NSMCE1: variants seen among roughly 807,000 people sequenced by gnomAD.
NSMCE1 encodes the protein non-structural maintenance of chromosomes element 1 homolog.
In NSMCE1, 18 loss-of-function variants were observed where a neutral mutation model predicts 29.6. The ratio of observed to expected loss-of-function variants is 0.61; its 90% CI spans 0.42 to 0.90. The LOEUF (loss-of-function observed/expected upper bound fraction) is 0.90, where lower values mean the gene tolerates loss of function less well. NSMCE1 is among the 40% of genes least tolerant of loss of function. The pLI is 0.00. For missense variants in NSMCE1, 314 were observed against 343.6 expected, an observed-to-expected ratio of 0.91 and a Z score of 0.68; for synonymous variants, 124 against 133.4, an observed-to-expected ratio of 0.93 and a Z score of 0.49.
intron 7 of NSMCE1, 110 bp from the exon 8 acceptor site, chr16:27,225,346 T>G: frequency 1.4e-6 from 1 of 708,218 alleles, no homozygotes; most frequent in South Asian, 1.6e-5. Context: ...GTCCTAGGTC[T>G]ACACCATCCT....
At chr16:27,254,893 T>TTTTTTTTTTTG (rs2084070037) in intron 2 of NSMCE1, among the ~76,000 whole-genome samples, 1 of 108,050 alleles carries the variant, frequency 9.3e-6, no homozygotes, top group Non-Finnish European at 1.9e-5. Context: ...TTTTTTTTTT[T>TTTTTTTTTTTG]TTTTGATACA....
Position 27,226,826 on chromosome 16 carries a change from T to A in NSMCE1, c.494A>T (p.Glu165Val), listed in dbSNP as rs760439133. The A allele has an allele frequency of 5.6e-6, 9 of 1,610,090 alleles. No homozygotes were observed. The Admixed American group carries it at 1.5e-4, about 27-fold the overall frequency. Residue 165 changes from glutamate (E) to valine (V), a missense_variant, in exon 6 of 8, where the codon GAG (glutamate) becomes GTG (valine). Physicochemically the swap from Glu to Val is moderately radical, Grantham distance 121. Coordinates refer to ENST00000361439, the MANE Select transcript of NSMCE1 (RefSeq NM_145080.4). ...QNKWLIEKEG[E>V]FTLHGRAILE... ...GATGGCCCGGCCGTGCAGGGTGAAC[T>A]CCCCTTCCTTCTGCAGGGACACACA... is the stretch of plus-strand genomic sequence containing the variant.
chr16:27,267,613 T>A (rs561133809), intron 1 of NSMCE1, among the ~76,000 whole-genome samples: 1 of 149,462 alleles, frequency 6.7e-6, no homozygotes, highest in South Asian at 2.1e-4. Flanking sequence ...TAGTGGATGA[T>A]CGGATGCAGG....
Position 27,225,222 on chromosome 16 carries a change from C to G in NSMCE1, c.736G>C (p.Glu246Gln). 1.2e-6 allele frequency: 2 copies of G among 1,604,466 alleles called. No homozygotes were observed. Among genetic ancestry groups the G allele is most frequent in the South Asian group, 2.2e-5 (2 of 89,602 alleles). ...AAGACACCAGACTCCCTCTCCTTCT[C>G]AGGGTCGAAGACTTCTGTAGACAGA... Reference protein sequence around the residue: ...PHEIPKVFDPEKERESGVLKS... With the variant: ...PHEIPKVFDPQKERESGVLKS... The change falls in exon 8 of 8, where the codon GAG becomes CAG. Residue 246 changes from glutamate (E) to glutamine (Q), a missense_variant. Physicochemically the swap from Glu to Gln is conservative, Grantham distance 29. Coordinates refer to ENST00000361439, the MANE Select transcript of NSMCE1 (RefSeq NM_145080.4).
intron 2 of NSMCE1, chr16:27,242,016 T>C (rs2083901148): frequency 3.1e-6 from 1 of 324,846 alleles, no homozygotes; most frequent in African/African-American, 2.2e-5. Flanking sequence ...TGCAATGATG[T>C]TGAGAATACT....
At chr16:27,257,371 TA>T (rs554252504) in intron 2 of NSMCE1, 63 bp downstream of exon 2, 1,164 of 1,444,608 alleles carry the variant, frequency 8.1e-4, no homozygotes, top group Middle Eastern at 1.9e-3. Flanking sequence ...GTATTGTACC[TA>T]TGTCACTGGT....
At chr16:27,236,969 G>A (rs2083832679) in intron 2 of NSMCE1, among the ~76,000 whole-genome samples, 1 of 152,010 alleles carries the variant, frequency 6.6e-6, no homozygotes, top group Non-Finnish European at 1.5e-5. Flanking sequence ...AAAAACAACA[G>A]AAGATCATGC....
chr16:27,253,196 G>T (rs2084053090), intron 2 of NSMCE1, among the ~76,000 whole-genome samples: 1 of 152,166 alleles, frequency 6.6e-6, no homozygotes. Context: ...ATCCAAAGAG[G>T]GAGTTATGGG....
At chr16:27,256,721 A>G (rs183626127) in intron 2 of NSMCE1, among the ~76,000 whole-genome samples, 31 of 152,290 alleles carry the variant, frequency 2.0e-4, no homozygotes, top group Admixed American at 1.8e-3. Flanking sequence ...CCTGTCTCCA[A>G]GGGCTTCTTA....
intron 5 of NSMCE1, among the ~76,000 whole-genome samples, chr16:27,228,079 C>A (rs964188217): frequency 6.6e-6 from 1 of 152,134 alleles, no homozygotes; most frequent in South Asian, 2.1e-4. Context: ...GTCACCGCAC[C>A]CAGCCCACTC....
intron 1 of NSMCE1, among the ~76,000 whole-genome samples, chr16:27,267,313 T>G (rs1170465143): frequency 2.6e-5 from 4 of 152,136 alleles, no homozygotes; most frequent in Non-Finnish European, 5.9e-5. Flanking sequence ...TTCGTGCGGG[T>G]GCTAACACAA....
chr16:27,250,583 G>C (rs926648779), intron 2 of NSMCE1, among the ~76,000 whole-genome samples: 1 of 151,698 alleles, frequency 6.6e-6, no homozygotes, highest in Non-Finnish European at 1.5e-5. Context: ...CTTGAGGCCA[G>C]GAGTTCAAGA....
intron 1 of NSMCE1, among the ~76,000 whole-genome samples, chr16:27,262,054 G>A (rs2084163642): frequency 6.6e-6 from 1 of 152,142 alleles, no homozygotes; most frequent in Non-Finnish European, 1.5e-5. Context: ...GGCTAGCCTG[G>A]CCAACATGAT....
intron 1 of NSMCE1, among the ~76,000 whole-genome samples, chr16:27,261,023 C>T (rs1324208672): frequency 5.3e-5 from 8 of 151,214 alleles, no homozygotes; most frequent in African/African-American, 9.7e-5. Context: ...AAAAATTAGC[C>T]AGGCATGGTG....
At chr16:27,255,932 GGAA>G (rs1043105270) in intron 2 of NSMCE1, among the ~76,000 whole-genome samples, 110 of 152,320 alleles carry the variant, frequency 7.2e-4, no homozygotes, top group Admixed American at 1.9e-3. Flanking sequence ...AAAGTGGCTG[GGAA>G]GAAGATGTAA....
At chr16:27,264,784 G>A (rs1392525047) in intron 1 of NSMCE1, among the ~76,000 whole-genome samples, 1 of 152,118 alleles carries the variant, frequency 6.6e-6, no homozygotes, top group East Asian at 1.9e-4. Flanking sequence ...CTTGACTTTT[G>A]TTAAAATTAA....
chr16:27,259,554 T>C (rs545630680), intron 1 of NSMCE1, among the ~76,000 whole-genome samples: 1 of 152,090 alleles, frequency 6.6e-6, no homozygotes, highest in Non-Finnish European at 1.5e-5. Context: ...ATTATCCTCT[T>C]TGGCATCATG....
At chr16:27,249,801 C>T (rs2084003152) in intron 2 of NSMCE1, among the ~76,000 whole-genome samples, 1 of 152,146 alleles carries the variant, frequency 6.6e-6, no homozygotes, top group Non-Finnish European at 1.5e-5. Context: ...TTATAAAAAG[C>T]CTTGCTGGGA....
At chr16:27,239,753 G>C (rs2083869967) in intron 2 of NSMCE1, among the ~76,000 whole-genome samples, 1 of 152,222 alleles carries the variant, frequency 6.6e-6, no homozygotes, top group Non-Finnish European at 1.5e-5. Flanking sequence ...TAGAGGGAAA[G>C]AGATACCCTA....
Sources: allele counts gnomAD v4.1 joint callset (sites outside exome capture counted in the v4.1 genomes callset), GRCh38; gene constraint gnomAD v4.1.1; transcripts MANE v1.5; gene names NCBI Gene and HGNC (gene_info 2026-07-23, HGNC 2026-07-21).